RAB38: variants seen among roughly 807,000 people sequenced by gnomAD.
The protein encoded by RAB38 is ras-related protein Rab-38.
In RAB38, 15 loss-of-function variants were observed where a neutral mutation model predicts 18.4. That is an observed-to-expected ratio of 0.82 (90% CI 0.55 to 1.26). The LOEUF (loss-of-function observed/expected upper bound fraction) is 1.26, where lower values mean the gene tolerates loss of function less well. Among genes scored for constraint, RAB38 ranks in the 50% most tolerant of loss-of-function variants. The pLI is 0.00. For synonymous variants in RAB38, 101 were observed against 104.4 expected (o/e 0.97, Z 0.20); for missense variants, 294 against 267.4 (o/e 1.10, Z -0.69).
the RAB38 span, among the ~76,000 whole-genome samples, chr11:88,084,136 G>A: frequency 6.6e-6 from 1 of 151,954 alleles, no homozygotes; most frequent in East Asian, 2.0e-4. Flanking sequence ...TGGATGGGGG[G>A]AGTAATAATG....
the RAB38 span, among the ~76,000 whole-genome samples, chr11:87,963,895 A>G: frequency 1.3e-5 from 2 of 152,164 alleles, no homozygotes; most frequent in African/African-American, 2.4e-5. Context: ...ATCCACGCAC[A>G]TCGGCCTCCC....
At chr11:88,084,687 CTT>C in the RAB38 span, among the ~76,000 whole-genome samples, 5 of 151,830 alleles carry the variant, frequency 3.3e-5, no homozygotes, top group African/African-American at 9.7e-5. Flanking sequence ...AGCTCTCTCT[CTT>C]GTGTTGCTTC....
chr11:88,086,008 C>T, the RAB38 span, among the ~76,000 whole-genome samples: 1 of 151,800 alleles, frequency 6.6e-6, no homozygotes, highest in Non-Finnish European at 1.5e-5. Flanking sequence ...ACTTTACCTC[C>T]GCAGTTTACT....
At chr11:87,877,141 A>G in the RAB38 span, among the ~76,000 whole-genome samples, 1 of 151,536 alleles carries the variant, frequency 6.6e-6, no homozygotes, top group Non-Finnish European at 1.5e-5. Context: ...TGGAAGTACC[A>G]TACGTGCTGA....
the RAB38 span, among the ~76,000 whole-genome samples, chr11:88,028,772 C>A: frequency 2.6e-5 from 4 of 152,122 alleles, no homozygotes; most frequent in Non-Finnish European, 1.5e-5. Context: ...ATGAAAGTGA[C>A]AGGGAGAATG....
chr11:87,896,835 G>A, the RAB38 span, among the ~76,000 whole-genome samples: 1 of 151,556 alleles, frequency 6.6e-6, no homozygotes, highest in Non-Finnish European at 1.5e-5. Flanking sequence ...GAAGTGTGTA[G>A]AAAGGAGCCC....
At chr11:88,076,793 C>A in the RAB38 span, among the ~76,000 whole-genome samples, 187 of 128,126 alleles carry the variant, frequency 1.5e-3, no homozygotes, top group Non-Finnish European at 1.5e-3. Flanking sequence ...ACTTAAAATA[C>A]AAAAAAAAAA....
the RAB38 span, among the ~76,000 whole-genome samples, chr11:88,025,397 A>C: frequency 1.3e-5 from 2 of 152,148 alleles, no homozygotes; most frequent in Non-Finnish European, 2.9e-5. Context: ...GTATATACCG[A>C]GTAACGGGAT....
At chr11:87,977,810 A>T in the RAB38 span, among the ~76,000 whole-genome samples, 9 of 109,574 alleles carry the variant, frequency 8.2e-5, no homozygotes, top group South Asian at 2.7e-3. Context: ...ATAGAGTTAT[A>T]TATTAAATAT....
chr11:88,169,689 A>G (rs1390505468), intron 1 of RAB38, among the ~76,000 whole-genome samples: 2 of 152,234 alleles, frequency 1.3e-5, no homozygotes, highest in Non-Finnish European at 2.9e-5. Flanking sequence ...GACTGGTGCT[A>G]GGTAAGAGCA....
chr11:87,911,268 T>G, the RAB38 span, among the ~76,000 whole-genome samples: 1 of 152,072 alleles, frequency 6.6e-6, no homozygotes, highest in Non-Finnish European at 1.5e-5. Flanking sequence ...CTAGGCCCTT[T>G]GAATTTCCAT....
chr11:88,034,038 C>T, the RAB38 span, among the ~76,000 whole-genome samples: 3 of 152,180 alleles, frequency 2.0e-5, no homozygotes, highest in Non-Finnish European at 4.4e-5. Context: ...TTGTGTTGCA[C>T]TTTTATAACC....
intron 1 of RAB38, chr11:88,173,458 G>A: frequency 4.5e-6 from 4 of 881,458 alleles, no homozygotes; most frequent in Non-Finnish European, 5.4e-6. Context: ...TCCAGATGGA[G>A]GCAGTTCAAC....
At chr11:87,854,895 T>C in the RAB38 span, among the ~76,000 whole-genome samples, 1 of 152,034 alleles carries the variant, frequency 6.6e-6, no homozygotes, top group Non-Finnish European at 1.5e-5. Flanking sequence ...CCCAGGTTCA[T>C]GCCATTCTCC....
At chr11:88,045,801 T>A in the RAB38 span, among the ~76,000 whole-genome samples, 41 of 152,324 alleles carry the variant, frequency 2.7e-4, 1 homozygote, top group South Asian at 8.3e-3. Flanking sequence ...TTCAAGGGCC[T>A]GTTTCCTTTG....
chr11:87,857,313 G>T, the RAB38 span, among the ~76,000 whole-genome samples: 1 of 152,134 alleles, frequency 6.6e-6, no homozygotes, highest in Non-Finnish European at 1.5e-5. Flanking sequence ...GAATAGTGCC[G>T]CAGTGAACAT....
chr11:88,114,218 A>G (rs1942517323), intron 2 of RAB38, 78 bp from the exon 3 acceptor site: 1 of 1,447,568 alleles, frequency 6.9e-7, no homozygotes, highest in African/African-American at 1.4e-5. Context: ...ATATGTGACA[A>G]TTCATTTAAA....
chr11:88,025,437 G>A, the RAB38 span, among the ~76,000 whole-genome samples: 10 of 152,062 alleles, frequency 6.6e-5, no homozygotes, highest in Non-Finnish European at 1.3e-4. Flanking sequence ...TCTGCTTTAC[G>A]CTCTTTGAGA....
chr11:88,113,891 GT>G lies in RAB38; in HGVS notation c.*96del. 1 of 1,419,078 alleles carries G rather than the reference GT, an allele frequency of 7.0e-7. No individual in the cohort carries two copies. The highest frequency in any genetic ancestry group is 9.8e-7 in the Non-Finnish European group (1 of 1,021,436). 87.9% of individuals were successfully genotyped at this position (1,419,078 alleles called of 1,614,324 possible). On this transcript the variant is annotated 3_prime_UTR_variant, in exon 3 of 3. Coordinates refer to ENST00000243662, the MANE Select transcript of RAB38 (RefSeq NM_022337.3). ...ATAGATCTTTGGCTTGCCACATGTG[GT>G]ATCTCTATCCTGACGTTTACCCAAA...
Sources: allele counts gnomAD v4.1 joint callset (sites outside exome capture counted in the v4.1 genomes callset), GRCh38; gene constraint gnomAD v4.1.1; transcripts MANE v1.5; gene names NCBI Gene and HGNC (gene_info 2026-07-23, HGNC 2026-07-21).